DISP3: variants seen among roughly 807,000 people sequenced by gnomAD.
The protein encoded by DISP3 is protein dispatched homolog 3.
DISP3 carries 101 observed loss-of-function variants against 135.3 expected under a neutral mutation model. The ratio of observed to expected loss-of-function variants is 0.75; its 90% CI spans 0.64 to 0.88. DISP3 has a LOEUF of 0.88. Ranked by LOEUF, DISP3 falls within the 40% of genes least tolerant of loss-of-function variation. The probability of loss-of-function intolerance (pLI) is 0.00; values close to 1 mark genes in which losing one functional copy is unlikely to be tolerated. For missense variants in DISP3, 1,713 were observed against 1,878.6 expected, an observed-to-expected ratio of 0.91 and a Z score of 1.63; for synonymous variants, 856 against 817.0, an observed-to-expected ratio of 1.05 and a Z score of -0.81.
In DISP3 at chr1:11,519,314, A is replaced by G. The variant is rs749677391; in HGVS notation, c.1890-41A>G. The G allele has an allele frequency of 2.5e-6, 4 of 1,597,640 alleles. No homozygotes were observed. In the East Asian group the frequency reaches 6.7e-5, roughly 27 times the overall value. On this transcript the variant is annotated intron_variant, in intron 7 of 20. Transcript: ENST00000294484. The surrounding 1 kb of genome is among the most constrained non-coding windows in gnomAD (Gnocchi z 4.3). ...CCTGCCCCACCCTCCCTGGGTACCC[A>G]GGACCCTCTGGTTCACCCCTGTCCC...
Position 11,501,763 on chromosome 1 carries a change from C to G in DISP3, c.771C>G (p.Asp257Glu), listed in dbSNP as rs753320623. The G allele has an allele frequency of 1.3e-6, 2 of 1,593,282 alleles. No homozygotes were observed. Among genetic ancestry groups the G allele is most frequent in the Admixed American group, 1.7e-5 (1 of 58,424 alleles). Reference protein sequence around the residue: ...SRARRGASRWDYSRAYVSANT... With the variant: ...SRARRGASRWEYSRAYVSANT... Reference sequence around the variant, plus strand: ...CCCGCCGAGGCGCCTCGCGCTGGGACTACTCGCGCGCCTATGTGAGTGCCA... The same window carrying G: ...CCCGCCGAGGCGCCTCGCGCTGGGAGTACTCGCGCGCCTATGTGAGTGCCA... Residue 257 changes from aspartate (D) to glutamate (E), a missense_variant, in exon 2 of 21, where the codon GAC (aspartate) becomes GAG (glutamate). By Grantham distance (45) the Asp-to-Glu change is conservative (BLOSUM62 2). This residue lies in a region of DISP3 where 571 missense variants were observed against 494.1 expected (regional missense o/e 1.16). Transcript: ENST00000294484. The surrounding 1 kb of genome is among the most constrained non-coding windows in gnomAD (Gnocchi z 4.9).
intron 1 of DISP3, among the ~76,000 whole-genome samples, chr1:11,485,139 A>G (rs1481201487): frequency 1.3e-5 from 2 of 151,954 alleles, no homozygotes; most frequent in Non-Finnish European, 2.9e-5. Flanking sequence ...GAAGGAGCAG[A>G]GGTGATAGAT....
chr1:11,531,479 A>G lies in DISP3; in HGVS notation c.3230-86A>G, dbSNP rs1570149451. The G allele has an allele frequency of 1.3e-6, 2 of 1,570,980 alleles. No homozygotes were observed. Among genetic ancestry groups the G allele is most frequent in the East Asian group, 2.2e-5 (1 of 44,622 alleles). On this transcript the variant is annotated intron_variant, in intron 16 of 20. Coordinates refer to ENST00000294484, the MANE Select transcript of DISP3 (RefSeq NM_020780.2). This position sits in a 1 kb window ranked among gnomAD's most constrained non-coding sequence, Gnocchi z 5.2. Reference sequence around the variant, plus strand: ...TACAAGCACTCTAAGCCTCAGAGGTATGTGAGTGCGTGGGCACAGGTGTGA... The same window carrying G: ...TACAAGCACTCTAAGCCTCAGAGGTGTGTGAGTGCGTGGGCACAGGTGTGA...
At chr1:11,535,418 G>A (rs1642682030) in intron 19 of DISP3, 60 bp from the exon 20 acceptor site, 2 of 1,545,020 alleles carry the variant, frequency 1.3e-6, no homozygotes, top group Non-Finnish European at 1.7e-6. Flanking sequence ...AGACCTCCCT[G>A]TTCCTCTGAG....
chr1:11,480,665 C>T (rs896331524), intron 1 of DISP3, among the ~76,000 whole-genome samples: 1 of 124,582 alleles, frequency 8.0e-6, no homozygotes, highest in Non-Finnish European at 1.6e-5. Flanking sequence ...CTTCCACCCC[C>T]AGCGCGCGCG....
chr1:11,531,914 C>T lies in DISP3; in HGVS notation c.3375+204C>T, dbSNP rs560347743. On this transcript the variant is annotated intron_variant, in intron 17 of 20. Coordinates refer to ENST00000294484, the MANE Select transcript of DISP3 (RefSeq NM_020780.2). This position sits in a 1 kb window ranked among gnomAD's most constrained non-coding sequence, Gnocchi z 5.2. ...AACTGCAGAGCTCTGCCCTTTCTTCCCCATGGGCGGCCTGCCAGTTCCCTT... is the reference window on the plus strand; with the variant it reads ...AACTGCAGAGCTCTGCCCTTTCTTCTCCATGGGCGGCCTGCCAGTTCCCTT... 1.4e-4 allele frequency among the ~76,000 whole-genome samples: 21 copies of T among 152,346 alleles called. No individual in the cohort carries two copies. The highest frequency in any genetic ancestry group is 2.6e-4 in the Non-Finnish European group (18 of 68,026).
intron 6 of DISP3, 57 bp from the exon 7 acceptor site, chr1:11,517,406 G>A (rs960784375): frequency 1.3e-6 from 2 of 1,598,010 alleles, no homozygotes; most frequent in African/African-American, 1.3e-5. Context: ...GGGCACCCAG[G>A]CCCCCTGACT....
intron 3 of DISP3, among the ~76,000 whole-genome samples, chr1:11,510,105 T>A (rs991104096): frequency 5.9e-5 from 9 of 151,926 alleles, no homozygotes; most frequent in Admixed American, 5.3e-4. Flanking sequence ...TCTCAAAAAA[T>A]AAATAAATAA....
chr1:11,531,799 G>A lies in DISP3; in HGVS notation c.3375+89G>A. Reference sequence around the variant, plus strand: ...TCCCAGCCCTCTTCCCAGATCGGGGGGGAGATGCTGAGGCCCAGAGAGGTG... The same window carrying A: ...TCCCAGCCCTCTTCCCAGATCGGGGAGGAGATGCTGAGGCCCAGAGAGGTG... On this transcript the variant is annotated intron_variant, in intron 17 of 20. Coordinates refer to ENST00000294484, the MANE Select transcript of DISP3 (RefSeq NM_020780.2). This position sits in a 1 kb window ranked among gnomAD's most constrained non-coding sequence, Gnocchi z 5.2. 1 of 1,489,360 alleles carries A rather than the reference G, an allele frequency of 6.7e-7. No individual in the cohort carries two copies. The highest frequency in any genetic ancestry group is 2.5e-4 in the Middle Eastern group (1 of 3,972). The allele number at this position is 1,489,360 out of a possible 1,614,324, so 92.3% of individuals were successfully genotyped here.
Position 11,491,898 on chromosome 1 carries a change from G to A in DISP3, c.-3-9092G>A, listed in dbSNP as rs957211056. On this transcript the variant is annotated intron_variant, in intron 1 of 20. Coordinates refer to ENST00000294484, the MANE Select transcript of DISP3 (RefSeq NM_020780.2). This position sits in a 1 kb window ranked among gnomAD's most constrained non-coding sequence, Gnocchi z 4.3. ...AGCACTTTGGGAGGCCGAGGCGGGC[G>A]GATCACGAGGTCAGGAGATCGAGAC... is the stretch of plus-strand genomic sequence containing the variant. Among the ~76,000 whole-genome samples the A allele has an allele frequency of 2.6e-5, 4 of 151,648 alleles. No individual in the cohort carries two copies. The highest frequency in any genetic ancestry group is 7.3e-5 in the African/African-American group (3 of 41,256).
At chr1:11,492,101 G>A (rs1202624485) in intron 1 of DISP3, among the ~76,000 whole-genome samples, 4 of 118,746 alleles carry the variant, frequency 3.4e-5, no homozygotes, top group Admixed American at 1.1e-4. Flanking sequence ...CAGCCTGGGC[G>A]ACAGAGCGAG....
intron 1 of DISP3, among the ~76,000 whole-genome samples, chr1:11,485,360 C>A (rs1340807654): frequency 6.6e-6 from 1 of 152,188 alleles, no homozygotes; most frequent in South Asian, 2.1e-4. Flanking sequence ...CTCCGCCCAG[C>A]CATCTGCTCG....
chr1:11,480,324 C>T (rs960646669), intron 1 of DISP3, among the ~76,000 whole-genome samples: 2 of 152,148 alleles, frequency 1.3e-5, no homozygotes, highest in Non-Finnish European at 2.9e-5. Context: ...CCACAGTCCA[C>T]GCGCACACTC....
chr1:11,518,789 G>C (rs1642085012), intron 7 of DISP3, among the ~76,000 whole-genome samples: 1 of 151,858 alleles, frequency 6.6e-6, no homozygotes, highest in Non-Finnish European at 1.5e-5. Flanking sequence ...AGTCCCATGA[G>C]GATTAAGTGA....
intron 1 of DISP3, among the ~76,000 whole-genome samples, chr1:11,495,846 C>T (rs546704413): frequency 6.6e-6 from 1 of 152,360 alleles, no homozygotes; most frequent in African/African-American, 2.4e-5. Flanking sequence ...CTTGGTTTCT[C>T]TCCTCGGAGG....
At chr1:11,534,912 G>T (rs1313683343) in intron 18 of DISP3, 99 bp from the exon 19 acceptor site, 1 of 1,066,162 alleles carries the variant, frequency 9.4e-7, no homozygotes, top group Admixed American at 2.0e-5. Context: ...TTACAGACTG[G>T]GAGTCGGAGT....
rs757172995 is a variant in DISP3, at chr1:11,526,867, A to G, written c.2798+32A>G. 3.2e-6 allele frequency: 5 copies of G among 1,582,678 alleles called. No homozygotes were observed. The South Asian group carries it at 5.5e-5, about 17-fold the overall frequency. ...GAGCCTGGCAGACAAGCCGGTGCCC[A>G]TCAGCCCGGCTGCTTCTTTGCCCTT... On this transcript the variant is annotated intron_variant, in intron 13 of 20. Coordinates refer to ENST00000294484, the MANE Select transcript of DISP3 (RefSeq NM_020780.2).
At chr1:11,521,240 C>T (rs1226301726) in intron 10 of DISP3, among the ~76,000 whole-genome samples, 1 of 144,790 alleles carries the variant, frequency 6.9e-6, no homozygotes, top group Non-Finnish European at 1.5e-5. Flanking sequence ...AGGAGTTAGC[C>T]AGGCTGGGAG....
intron 13 of DISP3, among the ~76,000 whole-genome samples, chr1:11,527,351 C>T (rs1439720973): frequency 6.6e-6 from 1 of 152,108 alleles, no homozygotes; most frequent in Non-Finnish European, 1.5e-5. Context: ...CGATCGAGAC[C>T]ATCCTGGCTA....
Sources: gnomAD v4.1 joint callset for allele counts (sites outside exome capture counted in the v4.1 genomes callset) on GRCh38, gnomAD v4.1.1 for gene constraint, gnomAD v4.1.1 regional missense constraint, Gnocchi (gnomAD v3.1) non-coding constraint, MANE v1.5 for transcripts, NCBI Gene and HGNC (gene_info 2026-07-23, HGNC 2026-07-21) for gene names.